Variants in TRIM44 observed in about 807,000 individuals in gnomAD.
The protein encoded by TRIM44 is tripartite motif-containing protein 44.
In TRIM44, 13 loss-of-function variants were observed where a neutral mutation model predicts 37.4. The observed-to-expected ratio is 0.35, with a 90% CI of 0.23 to 0.55. TRIM44 has a LOEUF of 0.55. TRIM44 is among the 20% of genes least tolerant of loss of function. The probability of loss-of-function intolerance (pLI) is 0.89; values close to 1 mark genes in which losing one functional copy is unlikely to be tolerated. For synonymous variants in TRIM44, 175 were observed against 157.2 expected (o/e 1.11, Z -0.85); for missense variants, 426 against 437.2 (o/e 0.97, Z 0.23).
intron 4 of TRIM44, among the ~76,000 whole-genome samples, chr11:35,742,494 A>G (rs1176481631): frequency 3.0e-5 from 4 of 135,518 alleles, no homozygotes; most frequent in South Asian, 2.2e-4. Flanking sequence ...TGTATTATAT[A>G]TAATTATATT....
intron 1 of TRIM44, among the ~76,000 whole-genome samples, chr11:35,683,588 A>G (rs147595325): frequency 7.9e-4 from 120 of 152,182 alleles, no homozygotes; most frequent in African/African-American, 2.9e-3. Context: ...TTATTCTTGT[A>G]CTTCTTTGTT....
At chr11:35,803,644 C>T (rs1031190183) in intron 4 of TRIM44, among the ~76,000 whole-genome samples, 1 of 152,132 alleles carries the variant, frequency 6.6e-6, no homozygotes, top group Admixed American at 6.5e-5. Flanking sequence ...TCGCTTGAAC[C>T]CGGGAGGCGG....
At chr11:35,744,585 G>A (rs543878852) in intron 4 of TRIM44, among the ~76,000 whole-genome samples, 25 of 151,988 alleles carry the variant, frequency 1.6e-4, no homozygotes, top group African/African-American at 5.8e-4. Flanking sequence ...TTTAAGTTCA[G>A]GGGTACATGT....
At chr11:35,721,177 T>TA in intron 2 of TRIM44, among the ~76,000 whole-genome samples, 1 of 152,206 alleles carries the variant, frequency 6.6e-6, no homozygotes, top group Non-Finnish European at 1.5e-5. Context: ...GTGCCGGTAT[T>TA]ACAGGCATGA....
At chr11:35,697,609 A>G (rs1223456746) in intron 2 of TRIM44, among the ~76,000 whole-genome samples, 1 of 149,548 alleles carries the variant, frequency 6.7e-6, no homozygotes, top group Non-Finnish European at 1.5e-5. Context: ...CCCGCTCCCC[A>G]CACCCCACAA....
intron 4 of TRIM44, among the ~76,000 whole-genome samples, chr11:35,772,526 T>G (rs1852887820): frequency 6.6e-6 from 1 of 152,204 alleles, no homozygotes; most frequent in Non-Finnish European, 1.5e-5. Flanking sequence ...GGAACCCACC[T>G]CTTGCATCAG....
At chr11:35,675,377 T>C (rs1022334830) in intron 1 of TRIM44, among the ~76,000 whole-genome samples, 2 of 152,076 alleles carry the variant, frequency 1.3e-5, no homozygotes, top group Non-Finnish European at 2.9e-5. Flanking sequence ...TAAAATAACT[T>C]TGGGTGTAGG....
intron 4 of TRIM44, among the ~76,000 whole-genome samples, chr11:35,780,597 A>G (rs1221364491): frequency 6.6e-6 from 1 of 152,242 alleles, no homozygotes; most frequent in African/African-American, 2.4e-5. Context: ...GAGAAAATTC[A>G]CTAAACAGAT....
At chr11:35,741,403 TCA>T (rs1210086800) in intron 4 of TRIM44, among the ~76,000 whole-genome samples, 6 of 152,088 alleles carry the variant, frequency 3.9e-5, no homozygotes, top group African/African-American at 1.4e-4. Context: ...CCCGTAAGAG[TCA>T]CAACTTTATT....
chr11:35,701,943 C>CT (rs1297812489), intron 2 of TRIM44, among the ~76,000 whole-genome samples: 2 of 152,146 alleles, frequency 1.3e-5, no homozygotes, highest in Non-Finnish European at 1.5e-5. Context: ...CAGAGAGGCC[C>CT]TAGTGACCCT....
Position 35,663,139 on chromosome 11 carries a change from G to T in TRIM44, c.28G>T (p.Glu10Ter). The change falls in exon 1 of 5, where the codon GAG (glutamate) becomes TAG (stop). Residue 10 changes from glutamate (E) to a stop codon, truncating the protein, a stop_gained. Coordinates refer to ENST00000299413, the MANE Select transcript of TRIM44 (RefSeq NM_017583.6). LOFTEE classifies it high-confidence loss of function. ...GGCCTCTGGAGTGGGCGCGGCCTTC[G>T]AGGAACTGCCTCACGACGGCACGTG... MASGVGAAFEELPHDGTCDE... is the reference protein window; with the variant it reads MASGVGAAF 6.5e-7 allele frequency: 1 copy of T among 1,535,552 alleles called. No homozygotes were observed. Among genetic ancestry groups the T allele is most frequent in the South Asian group, 1.3e-5 (1 of 78,952 alleles).
intron 3 of TRIM44, among the ~76,000 whole-genome samples, chr11:35,730,851 CT>C (rs376635824): frequency 0.024 from 3,063 of 128,090 alleles, 51 homozygotes; most frequent in African/African-American, 0.079. Context: ...AGCCTTATAT[CT>C]TTTTTTTTTT....
chr11:35,722,316 G>A (rs951525001), intron 2 of TRIM44, among the ~76,000 whole-genome samples: 14 of 152,164 alleles, frequency 9.2e-5, no homozygotes, highest in African/African-American at 3.1e-4. Flanking sequence ...TGGCTTGTAG[G>A]ACTGTTACCA....
At chr11:35,686,864 T>C (rs1851587825) in intron 2 of TRIM44, among the ~76,000 whole-genome samples, 2 of 152,340 alleles carry the variant, frequency 1.3e-5, no homozygotes, top group Non-Finnish European at 2.9e-5. Context: ...GGCCACACTT[T>C]GTTGTGCAGC....
intron 2 of TRIM44, chr11:35,724,408 G>A (rs1852143857): frequency 6.6e-6 from 1 of 152,176 alleles, no homozygotes; most frequent in African/African-American, 2.4e-5. Context: ...TAAAAGGAAG[G>A]GGTTCATTTA....
intron 2 of TRIM44, among the ~76,000 whole-genome samples, chr11:35,718,637 T>C (rs1327995384): frequency 6.6e-6 from 1 of 152,142 alleles, no homozygotes; most frequent in Non-Finnish European, 1.5e-5. Context: ...GTATATTGTA[T>C]GGGTTTTGAT....
chr11:35,747,415 G>A (rs1283363518), intron 4 of TRIM44, among the ~76,000 whole-genome samples: 1 of 152,188 alleles, frequency 6.6e-6, no homozygotes, highest in Admixed American at 6.5e-5. Flanking sequence ...CAGTTAGAAA[G>A]TGACTCAACC....
intron 4 of TRIM44, among the ~76,000 whole-genome samples, chr11:35,806,020 T>C (rs1853442704): frequency 6.6e-6 from 1 of 152,200 alleles, no homozygotes; most frequent in Non-Finnish European, 1.5e-5. Context: ...CAATTTATTT[T>C]GTCAGTTAAG....
At chr11:35,759,838 C>T (rs565421149) in intron 4 of TRIM44, among the ~76,000 whole-genome samples, 14 of 152,254 alleles carry the variant, frequency 9.2e-5, no homozygotes, top group Admixed American at 2.6e-4. Context: ...AATGTTGCTG[C>T]CTGATCATTC....
Sources: gnomAD v4.1 joint callset for allele counts (sites outside exome capture counted in the v4.1 genomes callset) on GRCh38, gnomAD v4.1.1 for gene constraint, MANE v1.5 for transcripts, NCBI Gene and HGNC (gene_info 2026-07-23, HGNC 2026-07-21) for gene names.